RNF144A: variants seen among roughly 807,000 people sequenced by gnomAD.
The protein encoded by RNF144A is E3 ubiquitin-protein ligase RNF144A.
RNF144A carries 11 observed loss-of-function variants against 38.7 expected under a neutral mutation model. That is an observed-to-expected ratio of 0.28 (90% CI 0.18 to 0.47). RNF144A has a LOEUF of 0.47. Ranked by LOEUF, RNF144A falls within the 20% of genes least tolerant of loss-of-function variation. The pLI is 0.99. For missense variants in RNF144A, 316 were observed against 377.2 expected, an observed-to-expected ratio of 0.84 and a Z score of 1.34; for synonymous variants, 149 against 143.9, an observed-to-expected ratio of 1.04 and a Z score of -0.25.
intron 2 of RNF144A, among the ~76,000 whole-genome samples, chr2:6,954,810 T>C (rs374198313): frequency 6.6e-6 from 1 of 152,366 alleles, no homozygotes; most frequent in South Asian, 2.1e-4. Context: ...TGACACACTT[T>C]GCAAATGTGG....
chr2:7,061,499 A>T (rs1044212680), intron 6 of RNF144A, among the ~76,000 whole-genome samples: 1 of 152,172 alleles, frequency 6.6e-6, no homozygotes, highest in African/African-American at 2.4e-5. Context: ...TAATTCCAAG[A>T]TGAGCAAAAT....
At chr2:6,975,956 A>G (rs984851290) in intron 2 of RNF144A, among the ~76,000 whole-genome samples, 21 of 152,254 alleles carry the variant, frequency 1.4e-4, no homozygotes, top group African/African-American at 4.8e-4. Context: ...AGATCTTTCC[A>G]TTTGAATGGA....
Position 7,042,907 on chromosome 2 carries a change from C to A in RNF144A, c.*3147C>A. 1.1e-6 allele frequency: 1 copy of A among 951,762 alleles called. No homozygotes were observed. 59.0% of individuals were successfully genotyped at this position (951,762 alleles called of 1,614,324 possible). ...TTTGAGACGGAGTTTCGCTTTTGTC[C>A]CCCAAGCTGGAGTACAATGACAGGA... On this transcript the variant is annotated 3_prime_UTR_variant, in exon 9 of 9. Transcript: ENST00000320892.
chr2:6,960,482 T>C (rs957313138), intron 2 of RNF144A, among the ~76,000 whole-genome samples: 1 of 151,942 alleles, frequency 6.6e-6, no homozygotes, highest in African/African-American at 2.4e-5. Context: ...GCAATGAGAG[T>C]GGCCAAGGTT....
downstream of RNF144A, among the ~76,000 whole-genome samples, chr2:7,045,430 G>T (rs1673267805): frequency 6.6e-6 from 1 of 152,158 alleles, no homozygotes. Flanking sequence ...GAGGATGCCC[G>T]TGTTGCTCTG....
chr2:6,964,562 A>G (rs1196813625), intron 2 of RNF144A, among the ~76,000 whole-genome samples: 1 of 152,238 alleles, frequency 6.6e-6, no homozygotes, highest in African/African-American at 2.4e-5. Flanking sequence ...AAAGACTTGG[A>G]ACCAACCCAA....
At chr2:7,022,433 C>T (rs1342492408) in intron 6 of RNF144A, among the ~76,000 whole-genome samples, 1 of 152,148 alleles carries the variant, frequency 6.6e-6, no homozygotes, top group South Asian at 2.1e-4. Context: ...ATTTTAAATC[C>T]AATTCAGATA....
rs1666240562 is a variant in RNF144A, at chr2:6,944,967, T to C, written c.-12+3820T>C. Among the ~76,000 whole-genome samples the C allele has an allele frequency of 6.6e-6, 1 of 152,244 alleles. No individual in the cohort carries two copies. Among genetic ancestry groups the C allele is most frequent in the South Asian group, 2.1e-4 (1 of 4,834 alleles). On this transcript the variant is annotated intron_variant, in intron 2 of 8. Coordinates refer to ENST00000320892, the MANE Select transcript of RNF144A (RefSeq NM_014746.6). The surrounding 1 kb of genome is among the most constrained non-coding windows in gnomAD (Gnocchi z 4.7). ...GCAGCCTCAATCCAGCCTTCAATGA[T>C]TGAAGTAGCTAATTTTGAAATACAG...
Position 7,041,361 on chromosome 2 carries a change from G to A in RNF144A, c.*1601G>A. The A allele has an allele frequency of 6.1e-6, 6 of 985,840 alleles. No homozygotes were observed. Among genetic ancestry groups the A allele is most frequent in the Non-Finnish European group, 7.2e-6 (6 of 829,928 alleles). The allele number at this position is 985,840 out of a possible 1,614,324, so 61.1% of individuals were successfully genotyped here. A position where few individuals can be genotyped will look rare whatever the true frequency, so the allele number is the denominator to read the frequency against. On this transcript the variant is annotated 3_prime_UTR_variant, in exon 9 of 9. Transcript: ENST00000320892. ...AACATTGAATTCGTTAGAAAAAACAGCGTCACCTCACTCTTCACCTGTCAT... is the reference window on the plus strand; with the variant it reads ...AACATTGAATTCGTTAGAAAAAACAACGTCACCTCACTCTTCACCTGTCAT...
chr2:7,040,669 C>T lies in RNF144A; in HGVS notation c.*909C>T. 1.0e-6 allele frequency: 1 copy of T among 985,494 alleles called. No individual in the cohort carries two copies. The allele number at this position is 985,494 out of a possible 1,614,324, so 61.0% of individuals were successfully genotyped here. A position where few individuals can be genotyped will look rare whatever the true frequency, so the allele number is the denominator to read the frequency against. On this transcript the variant is annotated 3_prime_UTR_variant, in exon 9 of 9. Transcript: ENST00000320892. ...TCTCCTCCGAATTGCTGCCGTCTGG[C>T]CTCTGGCCTCAGTCTTCAGATAGAC...
chr2:7,051,326 G>A (rs971421053), intron 6 of RNF144A, among the ~76,000 whole-genome samples: 3 of 152,186 alleles, frequency 2.0e-5, no homozygotes, highest in Non-Finnish European at 4.4e-5. Flanking sequence ...GGGGATTGGA[G>A]GTGGAGCAGG....
rs139293009 is a variant in RNF144A, at chr2:6,931,797, T to C, written c.-211-9151T>C. Among the ~76,000 whole-genome samples, 626 of 152,336 alleles carry C rather than the reference T, an allele frequency of 4.1e-3. 4 individuals are homozygous for C. Among genetic ancestry groups the C allele is most frequent in the African/African-American group, 0.014 (602 of 41,580 alleles). ...TCCATTGTGATATGAGGCCATACTT[T>C]GTATGATTTTTGTTTTTTTCTTGTT... On this transcript the variant is annotated intron_variant, in intron 1 of 8. Transcript: ENST00000320892.
At position 7,040,405 on chromosome 2, in the gene RNF144A, C is replaced by T. The variant is rs889733788; in HGVS notation, c.*645C>T. On this transcript the variant is annotated 3_prime_UTR_variant, in exon 9 of 9. Coordinates refer to ENST00000320892, the MANE Select transcript of RNF144A (RefSeq NM_014746.6). ...CTCTTTGTGTTTTTCTTGAAACTTG[C>T]TGTAGTAACTTTTTGAACGCTGTAA... is the stretch of plus-strand genomic sequence containing the variant. The T allele has an allele frequency of 6.1e-6, 6 of 985,318 alleles. No homozygotes were observed. Among genetic ancestry groups the T allele is most frequent in the Admixed American group, 1.2e-4 (2 of 16,270 alleles). 61.0% of individuals were successfully genotyped at this position (985,318 alleles called of 1,614,324 possible).
At chr2:6,919,462 A>T (rs1193795720) in intron 1 of RNF144A, among the ~76,000 whole-genome samples, 1 of 152,176 alleles carries the variant, frequency 6.6e-6, no homozygotes, top group Non-Finnish European at 1.5e-5. Context: ...AAGAGGATAA[A>T]TCATGAAATC....
chr2:7,057,214 T>A (rs541189859), intron 6 of RNF144A, among the ~76,000 whole-genome samples: 1 of 152,382 alleles, frequency 6.6e-6, no homozygotes, highest in Admixed American at 6.5e-5. Flanking sequence ...AATTGCATTG[T>A]ACTTATTTAC....
In RNF144A at chr2:6,957,688, A is replaced by G. The variant is rs188898761; in HGVS notation, c.-12+16541A>G. On this transcript the variant is annotated intron_variant, in intron 2 of 8. Transcript: ENST00000320892. ...GAATGACACTGTAATCTCTCTAAATACTTGGACTTTATGAGCCCTCTGGTT... is the reference window on the plus strand; with the variant it reads ...GAATGACACTGTAATCTCTCTAAATGCTTGGACTTTATGAGCCCTCTGGTT... Among the ~76,000 whole-genome samples, 27 of 152,302 alleles carry G rather than the reference A, an allele frequency of 1.8e-4. No individual in the cohort carries two copies. In the East Asian group the frequency reaches 4.2e-3, roughly 24 times the overall value.
chr2:7,020,557 C>T lies in RNF144A; in HGVS notation c.386C>T (p.Thr129Ile). The T allele has an allele frequency of 6.2e-7, 1 of 1,613,132 alleles. No homozygotes were observed. The highest frequency in any genetic ancestry group is 8.5e-7 in the Non-Finnish European group (1 of 1,179,894). The part of the protein sequence containing the change: ...VCQLQDVGLQ[T>I]PQPVQCKACR... ...CAGCTCCAGGACGTGGGGCTGCAGACCCCCCAGCCAGTGCAGTGCAAAGCC... is the reference window on the plus strand; with the variant it reads ...CAGCTCCAGGACGTGGGGCTGCAGATCCCCCAGCCAGTGCAGTGCAAAGCC... Residue 129 changes from threonine (T) to isoleucine (I), a missense_variant, in exon 6 of 9, where the codon ACC becomes ATC. By Grantham distance (89) the Thr-to-Ile change is moderately conservative. Transcript: ENST00000320892.
chr2:6,976,891 T>A (rs931476744), intron 2 of RNF144A, among the ~76,000 whole-genome samples: 5 of 152,216 alleles, frequency 3.3e-5, no homozygotes, highest in Admixed American at 1.3e-4. Context: ...CTTCTTTTTT[T>A]AAAAAAACTG....
At chr2:7,059,215 C>T (rs1572492147) in intron 6 of RNF144A, among the ~76,000 whole-genome samples, 1 of 151,882 alleles carries the variant, frequency 6.6e-6, no homozygotes, top group Admixed American at 6.6e-5. Flanking sequence ...GGCATGGTGG[C>T]GGGTGCCTGT....
Sources: allele counts gnomAD v4.1 joint callset (sites outside exome capture counted in the v4.1 genomes callset), GRCh38; gene constraint gnomAD v4.1.1; non-coding constraint Gnocchi (gnomAD v3.1); transcripts MANE v1.5; gene names NCBI Gene and HGNC (gene_info 2026-07-23, HGNC 2026-07-21).